CDH18: variants seen among roughly 807,000 people sequenced by gnomAD.
CDH18 encodes the protein cadherin 18.
In CDH18, 31 loss-of-function variants were observed where a neutral mutation model predicts 67.9. That is an observed-to-expected ratio of 0.46 (90% CI 0.34 to 0.62). The LOEUF (loss-of-function observed/expected upper bound fraction) is 0.62. CDH18 is among the 20% of genes least tolerant of loss of function. The pLI, the probability that CDH18 is intolerant of heterozygous loss-of-function variation, is 0.01. For missense variants in CDH18, 890 were observed against 975.5 expected (o/e 0.91, Z 1.17); for synonymous variants, 362 against 347.2 (o/e 1.04, Z -0.48).
At chr5:20,527,292 T>A (rs1432071440) in intron 1 of CDH18, among the ~76,000 whole-genome samples, 1 of 151,606 alleles carries the variant, frequency 6.6e-6, no homozygotes, top group Non-Finnish European at 1.5e-5. Flanking sequence ...TGGATTGGAG[T>A]ACCCAAAAGA....
chr5:19,630,136 T>A (rs1260877312), intron 5 of CDH18, among the ~76,000 whole-genome samples: 2 of 152,024 alleles, frequency 1.3e-5, no homozygotes, highest in Non-Finnish European at 2.9e-5. Context: ...GAGACAGGGT[T>A]TCTCCATGTT....
At chr5:20,521,488 TATTTTGATA>T (rs1337510905) in intron 1 of CDH18, among the ~76,000 whole-genome samples, 1 of 152,118 alleles carries the variant, frequency 6.6e-6, no homozygotes, top group Non-Finnish European at 1.5e-5. Flanking sequence ...TGACTGGAGT[TATTTTGATA>T]AAGTGGTGTT....
chr5:20,497,165 G>C (rs1318022667), intron 1 of CDH18, among the ~76,000 whole-genome samples: 1 of 152,124 alleles, frequency 6.6e-6, no homozygotes, highest in Non-Finnish European at 1.5e-5. Flanking sequence ...GCAGCAAAGA[G>C]GGAAATAGTA....
At chr5:20,351,644 G>A (rs982292837) in intron 1 of CDH18, among the ~76,000 whole-genome samples, 34 of 151,858 alleles carry the variant, frequency 2.2e-4, no homozygotes, top group Admixed American at 5.2e-4. Flanking sequence ...TAAATGAAGC[G>A]TAAGATTTAG....
intron 2 of CDH18, among the ~76,000 whole-genome samples, chr5:20,214,515 A>C (rs886988387): frequency 5.3e-5 from 8 of 152,042 alleles, no homozygotes; most frequent in African/African-American, 1.7e-4. Flanking sequence ...GAGAATACAG[A>C]GCCCAGAAAT....
At chr5:20,179,283 T>C (rs1408892593) in intron 2 of CDH18, among the ~76,000 whole-genome samples, 2 of 152,160 alleles carry the variant, frequency 1.3e-5, no homozygotes, top group Non-Finnish European at 2.9e-5. Context: ...CACTTTAACA[T>C]AGTTGAGAAC....
chr5:20,181,787 C>T (rs1420164988), intron 2 of CDH18, among the ~76,000 whole-genome samples: 1 of 152,066 alleles, frequency 6.6e-6, no homozygotes, highest in Non-Finnish European at 1.5e-5. Context: ...TTCAAATAAG[C>T]ATGCTATCAG....
intron 1 of CDH18, among the ~76,000 whole-genome samples, chr5:20,285,630 A>C (rs1336988474): frequency 1.3e-5 from 2 of 151,508 alleles, no homozygotes; most frequent in Non-Finnish European, 3.0e-5. Flanking sequence ...TGAGTGATGA[A>C]TACTCAATTT....
intron 9 of CDH18, among the ~76,000 whole-genome samples, chr5:19,534,222 C>T (rs916098490): frequency 1.3e-5 from 2 of 151,812 alleles, no homozygotes; most frequent in Non-Finnish European, 2.9e-5. Flanking sequence ...CATTTTGTTA[C>T]AATAATTCAT....
intron 5 of CDH18, among the ~76,000 whole-genome samples, chr5:19,673,909 C>A (rs1369873000): frequency 2.6e-5 from 4 of 152,064 alleles, no homozygotes; most frequent in Non-Finnish European, 5.9e-5. Context: ...AGGGTCCAAG[C>A]AGTCTTACTT....
chr5:19,938,383 G>A (rs1045343643), intron 2 of CDH18, among the ~76,000 whole-genome samples: 8 of 150,906 alleles, frequency 5.3e-5, no homozygotes, highest in African/African-American at 1.2e-4. Flanking sequence ...TATGACTTCC[G>A]ATATCCTAGA....
rs1159965709 is a variant in CDH18, at chr5:19,612,300, G to A, written c.811+134C>T. On this transcript the variant is annotated intron_variant, in intron 6 of 12. Transcript: ENST00000382275. ...AGTGATTTCATGAGTCTTACATGAA[G>A]AAGGGTGATCATATAGTACAAAAAC... is the stretch of plus-strand genomic sequence containing the variant. The A allele has an allele frequency of 3.9e-6, 3 of 762,406 alleles. No homozygotes were observed. The East Asian group carries it at 8.1e-5, about 21-fold the overall frequency. The allele number at this position is 762,406 out of a possible 1,614,324, so 47.2% of individuals were successfully genotyped here. A position where few individuals can be genotyped will look rare whatever the true frequency, so the allele number is the denominator to read the frequency against.
intron 1 of CDH18, among the ~76,000 whole-genome samples, chr5:20,559,319 T>C (rs1758077429): frequency 6.6e-6 from 1 of 152,048 alleles, no homozygotes; most frequent in South Asian, 2.1e-4. Context: ...ATACAAGGAT[T>C]AAATCAAATG....
At chr5:20,397,334 G>C (rs925519612) in intron 1 of CDH18, among the ~76,000 whole-genome samples, 1 of 151,990 alleles carries the variant, frequency 6.6e-6, no homozygotes, top group Non-Finnish European at 1.5e-5. Context: ...GTTTTGCCAC[G>C]CTGGCCGGGC....
intron 1 of CDH18, among the ~76,000 whole-genome samples, chr5:20,420,151 C>T (rs1747749168): frequency 6.6e-6 from 1 of 151,012 alleles, no homozygotes; most frequent in Admixed American, 6.6e-5. Context: ...AGTGGTAAGA[C>T]GCGATACAAT....
chr5:20,026,121 A>T (rs1329663791), intron 2 of CDH18, among the ~76,000 whole-genome samples: 2 of 152,170 alleles, frequency 1.3e-5, no homozygotes, highest in Non-Finnish European at 2.9e-5. Flanking sequence ...CTTTGAATTC[A>T]TGTTAGTAGC....
intron 1 of CDH18, among the ~76,000 whole-genome samples, chr5:20,280,518 C>G (rs1746171693): frequency 6.6e-6 from 1 of 152,136 alleles, no homozygotes; most frequent in Non-Finnish European, 1.5e-5. Context: ...TCATCCATGT[C>G]CCTACAAAGG....
At chr5:20,453,373 T>C (rs1750604711) in intron 1 of CDH18, among the ~76,000 whole-genome samples, 1 of 152,140 alleles carries the variant, frequency 6.6e-6, no homozygotes, top group Non-Finnish European at 1.5e-5. Flanking sequence ...ACATTTGGAA[T>C]GGTTTGCCTG....
intron 2 of CDH18, among the ~76,000 whole-genome samples, chr5:19,952,089 C>T (rs1020463135): frequency 1.3e-5 from 2 of 152,098 alleles, no homozygotes; most frequent in Non-Finnish European, 2.9e-5. Flanking sequence ...CACTCTGTCA[C>T]CCAGGCTGGA....
Sources: gnomAD v4.1 joint callset for allele counts (sites outside exome capture counted in the v4.1 genomes callset) on GRCh38, gnomAD v4.1.1 for gene constraint, MANE v1.5 for transcripts, NCBI Gene and HGNC (gene_info 2026-07-23, HGNC 2026-07-21) for gene names.